Variants in TENM3 observed in about 807,000 individuals in gnomAD.
The protein encoded by TENM3 is teneurin transmembrane protein 3, also known as teneurin-3.
Under a neutral mutation model 255.1 loss-of-function variants are expected in TENM3, and 63 were observed. That is an observed-to-expected ratio of 0.25 (90% CI 0.20 to 0.30). The LOEUF is 0.30. Ranked by LOEUF, TENM3 falls within the 10% of genes least tolerant of loss-of-function variation. TENM3 has a pLI of 1.00. For synonymous variants in TENM3, 1,306 were observed against 1,322.3 expected (o/e 0.99, Z 0.27); for missense variants, 2,929 against 3,461.1 (o/e 0.85, Z 3.86).
chr4:182,580,538 C>A (rs1560954685), intron 3 of TENM3, among the ~76,000 whole-genome samples: 1 of 151,836 alleles, frequency 6.6e-6, no homozygotes, highest in South Asian at 2.1e-4. Context: ...GACCATTTCA[C>A]TGTGAGTGTA....
intron 1 of TENM3, among the ~76,000 whole-genome samples, chr4:182,181,183 G>A (rs1192455971): frequency 6.6e-6 from 1 of 152,120 alleles, no homozygotes; most frequent in Non-Finnish European, 1.5e-5. Context: ...CAGGCATTCC[G>A]TATACATAAC....
At chr4:182,297,864 T>G (rs1379840062) in intron 1 of TENM3, among the ~76,000 whole-genome samples, 5 of 152,186 alleles carry the variant, frequency 3.3e-5, no homozygotes, top group Non-Finnish European at 2.9e-5. Flanking sequence ...AGTGACTCAT[T>G]TCCTCTCTCT....
At chr4:182,085,066 G>C in the TENM3 span, 1 of 152,172 alleles carries the variant, frequency 6.6e-6, no homozygotes, top group South Asian at 2.1e-4. Context: ...AACGCTGTTT[G>C]CCATCCATAA....
chr4:182,287,371 A>C (rs571442273), intron 1 of TENM3, among the ~76,000 whole-genome samples: 1 of 152,270 alleles, frequency 6.6e-6, no homozygotes, highest in African/African-American at 2.4e-5. Flanking sequence ...GCTGTAATAC[A>C]CCGAGCTTTT....
At chr4:182,461,967 G>A (rs1732040253) in intron 3 of TENM3, among the ~76,000 whole-genome samples, 1 of 151,924 alleles carries the variant, frequency 6.6e-6, no homozygotes, top group Non-Finnish European at 1.5e-5. Flanking sequence ...CTTTTTCTTT[G>A]TCAACTCTTG....
chr4:181,794,886 T>C, the TENM3 span, among the ~76,000 whole-genome samples: 1 of 152,126 alleles, frequency 6.6e-6, no homozygotes, highest in East Asian at 1.9e-4. Flanking sequence ...GAGCACCTTT[T>C]TCACAGGCTG....
At chr4:182,015,477 G>C in the TENM3 span, among the ~76,000 whole-genome samples, 1 of 152,146 alleles carries the variant, frequency 6.6e-6, no homozygotes, top group Non-Finnish European at 1.5e-5. Context: ...ACTGAGCACA[G>C]TCGTTTCCTT....
chr4:182,058,057 T>C, the TENM3 span, among the ~76,000 whole-genome samples: 2 of 151,652 alleles, frequency 1.3e-5, no homozygotes, highest in South Asian at 4.2e-4. Flanking sequence ...TCACGGAACA[T>C]GCTATGAGGC....
At chr4:182,592,028 T>C (rs567354411) in intron 3 of TENM3, among the ~76,000 whole-genome samples, 135 of 152,178 alleles carry the variant, frequency 8.9e-4, no homozygotes, top group Non-Finnish European at 1.6e-3. Flanking sequence ...ATGTCTGCAA[T>C]GTGTGTGAGA....
chr4:181,630,238 A>G, the TENM3 span, among the ~76,000 whole-genome samples: 1 of 152,130 alleles, frequency 6.6e-6, no homozygotes, highest in South Asian at 2.1e-4. Context: ...TTACATCTTT[A>G]TTAATCTTGC....
At chr4:181,471,003 T>G in the TENM3 span, among the ~76,000 whole-genome samples, 1 of 151,780 alleles carries the variant, frequency 6.6e-6, no homozygotes, top group Admixed American at 6.6e-5. Context: ...CTTAAGAAAA[T>G]AGACATATCC....
intron 3 of TENM3, among the ~76,000 whole-genome samples, chr4:182,551,871 G>A (rs1418787164): frequency 6.6e-6 from 1 of 151,776 alleles, no homozygotes; most frequent in East Asian, 1.9e-4. Context: ...AAAATAACTA[G>A]CCAGGCGTGG....
At chr4:182,148,366 C>T (rs1437255531) in intron 1 of TENM3, among the ~76,000 whole-genome samples, 3 of 152,090 alleles carry the variant, frequency 2.0e-5, no homozygotes, top group Non-Finnish European at 4.4e-5. Flanking sequence ...AAGATTGCTT[C>T]TCATAATTAA....
rs199528076 is a variant in TENM3, at chr4:182,759,602, A to AACTT, written c.4892+4344_4892+4347dup. On this transcript the variant is annotated intron_variant, in intron 22 of 27. Transcript: ENST00000511685. ...TATTCCAATAATTAAACAAAATAAT[A>AACTT]ACTTCCTATTGATAGCACTTTCTTC... Among the ~76,000 whole-genome samples the AACTT allele has an allele frequency of 4.8e-3, 729 of 152,362 alleles. 3 individuals are homozygous for AACTT. The highest frequency in any genetic ancestry group is 0.017 in the African/African-American group (694 of 41,586).
the TENM3 span, among the ~76,000 whole-genome samples, chr4:181,676,938 A>C: frequency 1.3e-5 from 2 of 151,744 alleles, no homozygotes; most frequent in African/African-American, 4.8e-5. Context: ...TTCTTCCTTA[A>C]ACACTTTTTC....
intron 16 of TENM3, among the ~76,000 whole-genome samples, chr4:182,732,422 G>A (rs1760840597): frequency 6.6e-6 from 1 of 152,184 alleles, no homozygotes. Flanking sequence ...AAATAGCCAT[G>A]CATTCCCCAT....
At position 182,333,974 on chromosome 4, in the gene TENM3, C is replaced by T. The variant is rs182923954; in HGVS notation, c.232+9722C>T. Among the ~76,000 whole-genome samples, 382 of 152,176 alleles carry T rather than the reference C, an allele frequency of 2.5e-3. 2 individuals carry two copies. The highest frequency in any genetic ancestry group is 8.6e-3 in the African/African-American group (356 of 41,496). ...TGTGTGAATCCCAGGTCTGCCTTGC[C>T]GTAGCTGACTGGCAGTTTACCTAAT... On this transcript the variant is annotated intron_variant, in intron 2 of 27. Transcript: ENST00000511685.
At chr4:182,486,995 C>T (rs1400609597) in intron 3 of TENM3, among the ~76,000 whole-genome samples, 2 of 152,168 alleles carry the variant, frequency 1.3e-5, no homozygotes, top group East Asian at 1.9e-4. Flanking sequence ...CTTTTCTCTT[C>T]CTCTATGTGA....
the TENM3 span, chr4:181,980,279 T>C: frequency 6.6e-6 from 1 of 152,176 alleles, no homozygotes; most frequent in Non-Finnish European, 1.5e-5. Flanking sequence ...GCAAAGGTTA[T>C]CTTCCTGGTA....
Sources: gnomAD v4.1 joint callset for allele counts (sites outside exome capture counted in the v4.1 genomes callset) on GRCh38, gnomAD v4.1.1 for gene constraint, MANE v1.5 for transcripts, NCBI Gene and HGNC (gene_info 2026-07-23, HGNC 2026-07-21) for gene names.